Variants in ABHD3 observed in about 807,000 individuals in gnomAD.
ABHD3 encodes the protein abhydrolase domain containing 3, phospholipase, also known as phospholipase ABHD3.
A neutral mutation model predicts 48.8 loss-of-function variants in ABHD3; 46 were observed. That is an observed-to-expected ratio of 0.94 (90% CI 0.74 to 1.20). The LOEUF is 1.20. Ranked by LOEUF, ABHD3 falls within the 50% of genes most tolerant of loss-of-function variation. The probability of loss-of-function intolerance (pLI) is 0.00; values close to 1 mark genes in which losing one functional copy is unlikely to be tolerated. For synonymous variants in ABHD3, 192 were observed against 183.7 expected, an observed-to-expected ratio of 1.04 and a Z score of -0.36; for missense variants, 490 against 497.8, an observed-to-expected ratio of 0.98 and a Z score of 0.15.
intron 1 of ABHD3, 186 bp from the exon 2 acceptor site, chr18:21,703,933 G>C: frequency 3.4e-6 from 2 of 595,336 alleles, no homozygotes; most frequent in Non-Finnish European, 5.9e-6. Flanking sequence ...TGCCCCGAGG[G>C]GAAGGCGAGA....
At chr18:21,679,366 A>C (rs2039957255) in intron 4 of ABHD3, among the ~76,000 whole-genome samples, 2 of 152,244 alleles carry the variant, frequency 1.3e-5, no homozygotes, top group Admixed American at 6.5e-5. Context: ...AGGATGTAGA[A>C]TAACCAAAGG....
intron 2 of ABHD3, 137 bp from the exon 3 acceptor site, chr18:21,702,635 C>T (rs1182008435): frequency 7.6e-6 from 5 of 655,468 alleles, no homozygotes; most frequent in African/African-American, 5.6e-5. Flanking sequence ...ACCCATATCT[C>T]GATCTACATA....
intron 3 of ABHD3, among the ~76,000 whole-genome samples, chr18:21,697,363 G>A (rs1028177784): frequency 2.0e-5 from 3 of 150,850 alleles, no homozygotes; most frequent in African/African-American, 4.9e-5. Context: ...GTGAGCTACC[G>A]TGCCCAGCCT....
chr18:21,652,040 T>A (rs2146273331), intron 8 of ABHD3, among the ~76,000 whole-genome samples: 1 of 152,312 alleles, frequency 6.6e-6, no homozygotes, highest in South Asian at 2.1e-4. Flanking sequence ...AAAGTATACA[T>A]CAAGTCTTAC....
In ABHD3 at chr18:21,659,261, T is replaced by C. The variant is rs201053216; in HGVS notation, c.751A>G (p.Thr251Ala). The change falls in exon 6 of 9, where the codon ACC (threonine) becomes GCC (alanine). Residue 251 changes from threonine to alanine, a missense_variant. Physicochemically the swap from Thr to Ala is moderately conservative, Grantham distance 58. Coordinates refer to ENST00000289119, the MANE Select transcript of ABHD3 (RefSeq NM_138340.5). ...TCCAATGACTCTGAGCAAGCGAAGGTGTTCCAACCAACGGAAAAAGTTGCA... is the reference window on the plus strand; with the variant it reads ...TCCAATGACTCTGAGCAAGCGAAGGCGTTCCAACCAACGGAAAAAGTTGCA... Reference protein sequence around the residue: ...AAATFSVGWNTFACSESLEKP... With the variant: ...AAATFSVGWNAFACSESLEKP... 14 of 1,613,952 alleles carry C rather than the reference T, an allele frequency of 8.7e-6. No individual in the cohort carries two copies. In the East Asian group the frequency reaches 3.1e-4, roughly 36 times the overall value.
chr18:21,688,650 T>C (rs766379344), intron 3 of ABHD3, among the ~76,000 whole-genome samples: 10 of 152,102 alleles, frequency 6.6e-5, no homozygotes, highest in Non-Finnish European at 1.3e-4. Flanking sequence ...CAAGACAGTA[T>C]AGGATTCAAT....
intron 4 of ABHD3, among the ~76,000 whole-genome samples, chr18:21,669,422 A>G (rs2039708383): frequency 6.6e-6 from 1 of 151,968 alleles, no homozygotes; most frequent in African/African-American, 2.4e-5. Context: ...GCAGGTAGGT[A>G]TTCATTCCCA....
intron 4 of ABHD3, among the ~76,000 whole-genome samples, chr18:21,672,222 A>AT (rs1451784549): frequency 6.6e-6 from 1 of 152,142 alleles, no homozygotes; most frequent in Non-Finnish European, 1.5e-5. Context: ...CTAGACTCAA[A>AT]TTTTAAAATT....
chr18:21,653,120 T>G (rs530401255), intron 8 of ABHD3, among the ~76,000 whole-genome samples: 2 of 141,370 alleles, frequency 1.4e-5, no homozygotes, highest in African/African-American at 5.4e-5. Context: ...TCCCAGTGCT[T>G]TGGGAGGCAG....
In ABHD3 at chr18:21,685,377, G is replaced by T. The variant is rs115574124; in HGVS notation, c.510-1412C>A. 1.4e-3 allele frequency among the ~76,000 whole-genome samples: 217 copies of T among 152,268 alleles called. 1 individual carries two copies. The highest frequency in any genetic ancestry group is 5.0e-3 in the African/African-American group (206 of 41,550). ...CAGCTTCATTTAATGTGGTATGCAGGCTATGTTCTTGCAAAGGAATTTTCT... is the reference window on the plus strand; with the variant it reads ...CAGCTTCATTTAATGTGGTATGCAGTCTATGTTCTTGCAAAGGAATTTTCT... On this transcript the variant is annotated intron_variant, in intron 3 of 8. Coordinates refer to ENST00000289119, the MANE Select transcript of ABHD3 (RefSeq NM_138340.5).
chr18:21,684,884 C>T (rs1306416433), intron 3 of ABHD3, among the ~76,000 whole-genome samples: 1 of 152,180 alleles, frequency 6.6e-6, no homozygotes, highest in Non-Finnish European at 1.5e-5. Context: ...TGTGCTTTCT[C>T]TGATCCTGTT....
intron 3 of ABHD3, among the ~76,000 whole-genome samples, chr18:21,686,055 G>T (rs1040135904): frequency 3.9e-5 from 6 of 152,132 alleles, no homozygotes; most frequent in Non-Finnish European, 5.9e-5. Context: ...TGTTGCCCAG[G>T]TTGGTCTCTA....
chr18:21,687,178 G>A (rs897547351), intron 3 of ABHD3, among the ~76,000 whole-genome samples: 9 of 151,876 alleles, frequency 5.9e-5, no homozygotes, highest in Admixed American at 3.3e-4. Flanking sequence ...CTGAAGTTCT[G>A]GGATTACAGG....
intron 2 of ABHD3, among the ~76,000 whole-genome samples, chr18:21,703,287 G>C (rs78730350): frequency 0.021 from 2,738 of 129,712 alleles, 88 homozygotes; most frequent in African/African-American, 0.076. Context: ...GGGTCTTTCT[G>C]ACAGATGTAT....
chr18:21,687,621 C>G (rs558714725), intron 3 of ABHD3, among the ~76,000 whole-genome samples: 6 of 152,216 alleles, frequency 3.9e-5, no homozygotes, highest in Non-Finnish European at 8.8e-5. Context: ...CATATTTTTC[C>G]TACATATTTG....
In ABHD3 at chr18:21,703,666, G is replaced by A; in HGVS notation, c.244C>T (p.Pro82Ser). The A allele has an allele frequency of 1.9e-6, 3 of 1,614,116 alleles. No homozygotes were observed. The highest frequency in any genetic ancestry group is 1.3e-5 in the African/African-American group (1 of 75,050). ...CGACCCTCCCAGCACCAGACCGTCG[G>A]GTAGTACGTTTCTGTAACCACGGGA... is the stretch of plus-strand genomic sequence containing the variant. ...HCPVVTETYY[P>S]TVWCWEGRGQ... is the part of the protein sequence containing the mutation. Residue 82 changes from proline (P) to serine (S), a missense_variant, in exon 2 of 9, where the codon CCG becomes TCG. Coordinates refer to ENST00000289119, the MANE Select transcript of ABHD3 (RefSeq NM_138340.5).
intron 3 of ABHD3, among the ~76,000 whole-genome samples, chr18:21,696,742 T>C (rs2040379217): frequency 6.8e-6 from 1 of 147,652 alleles, no homozygotes; most frequent in Admixed American, 6.6e-5. Flanking sequence ...TTTTGGTTTT[T>C]TTTTGGTAGA....
At chr18:21,690,610 CAAAA>C (rs1187134445) in intron 3 of ABHD3, among the ~76,000 whole-genome samples, 1 of 151,446 alleles carries the variant, frequency 6.6e-6, no homozygotes, top group African/African-American at 2.4e-5. Context: ...AAAAACAAAA[CAAAA>C]AAATCCACCA....
At chr18:21,666,675 T>C (rs1472663331) in intron 4 of ABHD3, among the ~76,000 whole-genome samples, 1 of 152,190 alleles carries the variant, frequency 6.6e-6, no homozygotes, top group African/African-American at 2.4e-5. Context: ...TAGCCTCAGC[T>C]GTACTACACT....
Sources: allele counts gnomAD v4.1 joint callset (sites outside exome capture counted in the v4.1 genomes callset), GRCh38; gene constraint gnomAD v4.1.1; transcripts MANE v1.5; gene names NCBI Gene and HGNC (gene_info 2026-07-23, HGNC 2026-07-21).